The following CENPP variants were observed in gnomAD, a reference collection of about 807,000 sequenced individuals.
The protein encoded by CENPP is centromere protein P.
In CENPP, 24 loss-of-function variants were observed where a neutral mutation model predicts 35.6. The ratio of observed to expected loss-of-function variants is 0.67; its 90% CI spans 0.49 to 0.95. The LOEUF is 0.95. CENPP is among the 40% of genes least tolerant of loss of function. The pLI is 0.00. For synonymous variants in CENPP, 120 were observed against 125.5 expected (o/e 0.96, Z 0.29); for missense variants, 332 against 345.3 (o/e 0.96, Z 0.31).
intron 5 of CENPP, among the ~76,000 whole-genome samples, chr9:92,415,959 T>C (rs2130956705): frequency 6.9e-6 from 1 of 145,774 alleles, no homozygotes; most frequent in Non-Finnish European, 1.5e-5. Flanking sequence ...ATACGCTCTG[T>C]ATAAATTGTC....
chr9:92,527,528 G>A (rs963393551), intron 5 of CENPP, among the ~76,000 whole-genome samples: 3 of 152,120 alleles, frequency 2.0e-5, no homozygotes, highest in African/African-American at 7.2e-5. Context: ...TATCCTTGTC[G>A]CTAAGTGACA....
intron 5 of CENPP, among the ~76,000 whole-genome samples, chr9:92,420,395 C>T (rs1206361007): frequency 6.6e-6 from 1 of 152,186 alleles, no homozygotes; most frequent in African/African-American, 2.4e-5. Flanking sequence ...TGCCAAACTC[C>T]AACTCTGGTT....
intron 5 of CENPP, chr9:92,424,382 C>A (rs372138742): frequency 1.3e-5 from 2 of 152,076 alleles, no homozygotes; most frequent in South Asian, 4.2e-4. Context: ...GGAAAACACT[C>A]GGGTTGAATT....
chr9:92,571,262 A>T (rs1427577711), intron 5 of CENPP, among the ~76,000 whole-genome samples: 3 of 152,150 alleles, frequency 2.0e-5, no homozygotes, highest in Non-Finnish European at 2.9e-5. Context: ...TGTGTCCCAG[A>T]GATTCTGGTA....
At chr9:92,437,337 C>T (rs910335506) in intron 5 of CENPP, among the ~76,000 whole-genome samples, 1 of 151,400 alleles carries the variant, frequency 6.6e-6, no homozygotes, top group African/African-American at 2.4e-5. Context: ...GGATATAAGT[C>T]CTTTATCAAA....
intron 5 of CENPP, chr9:92,403,625 G>A (rs952343588): frequency 4.3e-5 from 51 of 1,194,348 alleles, no homozygotes; most frequent in Non-Finnish European, 5.1e-5. Flanking sequence ...ATGTATCAGT[G>A]AACATTCTGA....
chr9:92,607,315 T>TAGACC (rs1300746098), intron 5 of CENPP, among the ~76,000 whole-genome samples: 1 of 152,182 alleles, frequency 6.6e-6, no homozygotes. Context: ...CATCTCTCAA[T>TAGACC]AGACCAGAGT....
intron 5 of CENPP, among the ~76,000 whole-genome samples, chr9:92,406,304 T>C (rs1259888520): frequency 1.3e-5 from 2 of 152,048 alleles, no homozygotes; most frequent in African/African-American, 4.8e-5. Context: ...ACAGGGGGAA[T>C]AGAGGTTGGA....
intron 5 of CENPP, among the ~76,000 whole-genome samples, chr9:92,561,500 A>G (rs1304346964): frequency 6.6e-6 from 1 of 152,240 alleles, no homozygotes; most frequent in African/African-American, 2.4e-5. Context: ...CTGTTTTAAC[A>G]CTTGTAATAT....
chr9:92,449,809 A>G (rs1250974426), intron 5 of CENPP, among the ~76,000 whole-genome samples: 1 of 152,082 alleles, frequency 6.6e-6, no homozygotes, highest in African/African-American at 2.4e-5. Flanking sequence ...CCATCATTGG[A>G]TGCTTCCTGA....
intron 5 of CENPP, among the ~76,000 whole-genome samples, chr9:92,418,180 C>T (rs929469833): frequency 8.0e-5 from 12 of 150,420 alleles, no homozygotes; most frequent in Admixed American, 1.3e-4. Flanking sequence ...TCCACCTCCC[C>T]GGTTCAAGTG....
chr9:92,467,686 T>C (rs1845365432), intron 5 of CENPP, among the ~76,000 whole-genome samples: 1 of 152,216 alleles, frequency 6.6e-6, no homozygotes, highest in Non-Finnish European at 1.5e-5. Context: ...ATGGCAGAAA[T>C]ACACATTTTG....
chr9:92,342,484 T>G (rs760119624), intron 3 of CENPP, among the ~76,000 whole-genome samples: 1 of 152,248 alleles, frequency 6.6e-6, no homozygotes, highest in Non-Finnish European at 1.5e-5. Context: ...GTATGTGTTT[T>G]GGGACTGATT....
chr9:92,486,662 C>T (rs1588172339), intron 5 of CENPP, among the ~76,000 whole-genome samples: 1 of 152,114 alleles, frequency 6.6e-6, no homozygotes. Flanking sequence ...TGTCATCCTA[C>T]TTGAAGTTTC....
In CENPP at chr9:92,333,676, CG is replaced by C. The variant is rs1233577121; in HGVS notation, c.289+1327del. On this transcript the variant is annotated intron_variant, in intron 2 of 7. Transcript: ENST00000375587. The stretch of plus-strand genomic sequence containing the variant: ...AGTAATTCAGCAAGAGTAATGGTAC[CG>C]GAAGAGAAATATCTTGTTTTTTATT... Among the ~76,000 whole-genome samples, 13 of 152,172 alleles carry C rather than the reference CG, an allele frequency of 8.5e-5. 1 individual carries two copies. The highest frequency in any genetic ancestry group is 3.1e-4 in the African/African-American group (13 of 41,512).
At chr9:92,537,563 G>A (rs1849215793) in intron 5 of CENPP, among the ~76,000 whole-genome samples, 1 of 152,100 alleles carries the variant, frequency 6.6e-6, no homozygotes, top group Admixed American at 6.5e-5. Context: ...AGGAGGCTGA[G>A]GTAGGAGAAT....
At chr9:92,393,086 G>A (rs753494407) in intron 5 of CENPP, 4 of 1,611,960 alleles carry the variant, frequency 2.5e-6, no homozygotes, top group African/African-American at 2.7e-5. Flanking sequence ...CTTAACTTAC[G>A]TATGTCTGCA....
chr9:92,557,067 T>C (rs1217421756), intron 5 of CENPP, among the ~76,000 whole-genome samples: 13 of 152,242 alleles, frequency 8.5e-5, no homozygotes, highest in Admixed American at 8.5e-4. Context: ...TGAAAACGAC[T>C]ATATCTTTCC....
chr9:92,468,570 A>G (rs1845398186), intron 5 of CENPP, among the ~76,000 whole-genome samples: 2 of 152,358 alleles, frequency 1.3e-5, no homozygotes, highest in South Asian at 4.1e-4. Flanking sequence ...ACAAGCAGCT[A>G]AAACTTAACA....
Sources: allele counts gnomAD v4.1 joint callset (sites outside exome capture counted in the v4.1 genomes callset), GRCh38; gene constraint gnomAD v4.1.1; transcripts MANE v1.5; gene names NCBI Gene and HGNC (gene_info 2026-07-23, HGNC 2026-07-21).